Variants in MAP2K4 observed in about 807,000 individuals in gnomAD.
MAP2K4 encodes the protein mitogen-activated protein kinase kinase 4.
In MAP2K4, 4 loss-of-function variants were observed where a neutral mutation model predicts 48.5. The ratio of observed to expected loss-of-function variants is 0.08; its 90% confidence interval spans 0.04 to 0.19. MAP2K4 has a LOEUF of 0.19. MAP2K4 is among the 10% of genes least tolerant of loss of function. The pLI is 1.00. For missense variants in MAP2K4, 258 were observed against 493.3 expected (o/e 0.52, Z 4.52); for synonymous variants, 166 against 173.1 (o/e 0.96, Z 0.32).
At chr17:12,121,894 G>A (rs1028681390) in intron 7 of MAP2K4, among the ~76,000 whole-genome samples, 2 of 152,040 alleles carry the variant, frequency 1.3e-5, no homozygotes, top group African/African-American at 4.8e-5. Flanking sequence ...AATAGAAAGT[G>A]GTATGTTTCT....
intron 8 of MAP2K4, among the ~76,000 whole-genome samples, chr17:12,126,034 C>T (rs1053901979): frequency 1.3e-5 from 2 of 152,090 alleles, no homozygotes; most frequent in Non-Finnish European, 2.9e-5. Context: ...CACTTTTAAA[C>T]AACCAGGTCT....
At chr17:12,024,349 T>G (rs934770973) in intron 1 of MAP2K4, among the ~76,000 whole-genome samples, 1 of 152,222 alleles carries the variant, frequency 6.6e-6, no homozygotes, top group Non-Finnish European at 1.5e-5. Context: ...ATGCTAACAG[T>G]TATGGCTTCT....
rs1038393700 is a variant in MAP2K4, at chr17:12,081,286, A to G, written c.219-70A>G. On this transcript the variant is annotated intron_variant, in intron 2 of 10. Coordinates refer to ENST00000353533, the MANE Select transcript of MAP2K4 (RefSeq NM_003010.4). The surrounding 1 kb of genome is among the most constrained non-coding windows in gnomAD (Gnocchi z 4.2). ...TAGAAAACATTTTTCCCACACATTAATCAGTACTAAAAGAAAAAAGTTAAA... is the reference window on the plus strand; with the variant it reads ...TAGAAAACATTTTTCCCACACATTAGTCAGTACTAAAAGAAAAAAGTTAAA... The G allele has an allele frequency of 8.3e-7, 1 of 1,207,658 alleles. No individual in the cohort carries two copies. The highest frequency in any genetic ancestry group is 1.2e-6 in the Non-Finnish European group (1 of 857,112). The allele number at this position is 1,207,658 out of a possible 1,614,324, so 74.8% of individuals were successfully genotyped here.
intron 4 of MAP2K4, among the ~76,000 whole-genome samples, chr17:12,098,389 A>G (rs1384300987): frequency 6.6e-6 from 1 of 151,886 alleles, no homozygotes; most frequent in Non-Finnish European, 1.5e-5. Flanking sequence ...GAGGCAGAAG[A>G]ATCGCTTGAA....
At chr17:12,071,522 A>T (rs1449497889) in intron 2 of MAP2K4, among the ~76,000 whole-genome samples, 2 of 152,176 alleles carry the variant, frequency 1.3e-5, no homozygotes, top group Admixed American at 6.5e-5. Flanking sequence ...ACGGATGAAG[A>T]CCAGTGCCTG....
intron 4 of MAP2K4, among the ~76,000 whole-genome samples, chr17:12,102,155 A>T (rs189890011): frequency 3.3e-5 from 5 of 152,132 alleles, no homozygotes; most frequent in East Asian, 1.9e-4. Flanking sequence ...ATATATATAT[A>T]TTTTTAATCA....
intron 1 of MAP2K4, among the ~76,000 whole-genome samples, chr17:12,022,950 C>G (rs376818497): frequency 6.6e-6 from 1 of 151,838 alleles, no homozygotes; most frequent in South Asian, 2.1e-4. Flanking sequence ...TTGGAGTGTT[C>G]TAGGAACTCC....
intron 1 of MAP2K4, among the ~76,000 whole-genome samples, chr17:12,033,379 A>C (rs180983504): frequency 3.3e-5 from 5 of 151,866 alleles, no homozygotes; most frequent in Middle Eastern, 3.4e-3. Flanking sequence ...CTATGTTTAA[A>C]TTTTTTTTTG....
rs748097908 is a variant in MAP2K4, at chr17:12,107,778, G to A, written c.514-12G>A. On this transcript the variant is annotated splice_polypyrimidine_tract_variant and intron_variant, in intron 4 of 10. Coordinates refer to ENST00000353533, the MANE Select transcript of MAP2K4 (RefSeq NM_003010.4). ...AGATGTATAAGAATAACAGATATTT[G>A]TTATTTTATAGGGTGACTGTTGGAT... The A allele has an allele frequency of 3.3e-5, 52 of 1,566,192 alleles. No individual in the cohort carries two copies. The Admixed American group carries it at 1.0e-3, about 31-fold the overall frequency.
chr17:12,122,268 G>A (rs891862903), intron 7 of MAP2K4, among the ~76,000 whole-genome samples: 1 of 152,084 alleles, frequency 6.6e-6, no homozygotes, highest in Non-Finnish European at 1.5e-5. Flanking sequence ...TGCAACATAC[G>A]GATTCAGTAA....
At chr17:12,118,062 C>T (rs542636810) in intron 7 of MAP2K4, among the ~76,000 whole-genome samples, 26 of 152,108 alleles carry the variant, frequency 1.7e-4, no homozygotes, top group Non-Finnish European at 3.4e-4. Flanking sequence ...GAAGATTCAA[C>T]AGACTGGTTA....
intron 7 of MAP2K4, among the ~76,000 whole-genome samples, chr17:12,116,698 A>G (rs977138758): frequency 2.6e-5 from 4 of 152,184 alleles, no homozygotes; most frequent in Admixed American, 2.0e-4. Context: ...TGTCTTCTAC[A>G]TCCACATCTT....
intron 6 of MAP2K4, among the ~76,000 whole-genome samples, chr17:12,111,769 T>C (rs1972313262): frequency 6.6e-6 from 1 of 152,176 alleles, no homozygotes; most frequent in Non-Finnish European, 1.5e-5. Flanking sequence ...GATAACTCTC[T>C]TTAAACTTCA....
chr17:12,026,835 T>C (rs1269022491), intron 1 of MAP2K4: 1 of 152,226 alleles, frequency 6.6e-6, no homozygotes, highest in Non-Finnish European at 1.5e-5. Flanking sequence ...GCTCCAAGAA[T>C]GGTGCACTTC....
At chr17:12,128,720 A>G (rs1004629368) in intron 8 of MAP2K4, among the ~76,000 whole-genome samples, 1 of 152,204 alleles carries the variant, frequency 6.6e-6, no homozygotes, top group African/African-American at 2.4e-5. Context: ...TTGCCTTAAA[A>G]AGGAGTCTAA....
At chr17:12,100,869 T>C (rs910267241) in intron 4 of MAP2K4, among the ~76,000 whole-genome samples, 1 of 152,204 alleles carries the variant, frequency 6.6e-6, no homozygotes, top group African/African-American at 2.4e-5. Flanking sequence ...TTGATGAAGT[T>C]CCTGTTAAAA....
intron 2 of MAP2K4, among the ~76,000 whole-genome samples, chr17:12,066,416 C>A (rs1970618193): frequency 6.6e-6 from 1 of 152,168 alleles, no homozygotes. Flanking sequence ...TATTTACACA[C>A]AATAGCAGTT....
chr17:12,091,826 T>A (rs1402254751), intron 3 of MAP2K4, among the ~76,000 whole-genome samples: 1 of 152,208 alleles, frequency 6.6e-6, no homozygotes, highest in African/African-American at 2.4e-5. Flanking sequence ...AAACTACTTA[T>A]ATATGTAGAG....
intron 4 of MAP2K4, among the ~76,000 whole-genome samples, chr17:12,101,680 T>C (rs1971942255): frequency 6.6e-6 from 1 of 152,162 alleles, no homozygotes; most frequent in South Asian, 2.1e-4. Context: ...CACTTTATTA[T>C]TTTACATCTT....
Sources: gnomAD v4.1 joint callset for allele counts (sites outside exome capture counted in the v4.1 genomes callset) on GRCh38, gnomAD v4.1.1 for gene constraint, Gnocchi (gnomAD v3.1) non-coding constraint, MANE v1.5 for transcripts, NCBI Gene and HGNC (gene_info 2026-07-23, HGNC 2026-07-21) for gene names.